Variants in PALM2AKAP2 observed in about 807,000 individuals in gnomAD.
The protein encoded by PALM2AKAP2 is PALM2 and AKAP2 fusion.
A neutral mutation model predicts 71.5 loss-of-function variants in PALM2AKAP2; 37 were observed. That is an observed-to-expected ratio of 0.52 (90% CI 0.40 to 0.68). The LOEUF (loss-of-function observed/expected upper bound fraction) is 0.68. PALM2AKAP2 is among the 30% of genes least tolerant of loss of function. The pLI, the probability that PALM2AKAP2 is intolerant of heterozygous loss-of-function variation, is 0.00. For missense variants in PALM2AKAP2, 1,224 were observed against 1,191.8 expected, an observed-to-expected ratio of 1.03 and a Z score of -0.40; for synonymous variants, 468 against 478.8, an observed-to-expected ratio of 0.98 and a Z score of 0.29.
intron 1 of PALM2AKAP2, among the ~76,000 whole-genome samples, chr9:109,837,441 C>T (rs1010152916): frequency 6.6e-6 from 1 of 152,146 alleles, no homozygotes; most frequent in African/African-American, 2.4e-5. Flanking sequence ...ATTGTAAAGA[C>T]CATCGAGGCT....
intron 1 of PALM2AKAP2, among the ~76,000 whole-genome samples, chr9:109,648,617 GT>G: frequency 6.6e-6 from 1 of 152,308 alleles, no homozygotes; most frequent in East Asian, 1.9e-4. Flanking sequence ...GACTTGGTAA[GT>G]TTGGATAGAG....
intron 3 of PALM2AKAP2, among the ~76,000 whole-genome samples, chr9:110,167,043 A>C (rs1836753054): frequency 6.6e-6 from 1 of 152,240 alleles, no homozygotes; most frequent in African/African-American, 2.4e-5. Flanking sequence ...GGCAGCAGGC[A>C]AGACAGTGTG....
At chr9:110,159,611 T>G (rs1048373678) in intron 3 of PALM2AKAP2, among the ~76,000 whole-genome samples, 3 of 152,174 alleles carry the variant, frequency 2.0e-5, no homozygotes, top group Non-Finnish European at 4.4e-5. Flanking sequence ...GTGTGATATG[T>G]TAGACACAAT....
In PALM2AKAP2 at chr9:109,821,966, G is replaced by T. The variant is rs1042098473; in HGVS notation, c.45+41433G>T. ...TCATAAGTTAATGTTTTTCCTTTGA[G>T]ACCTGGATGCCCTTCTCTTATTCAT... On this transcript the variant is annotated intron_variant, in intron 1 of 9. Transcript: ENST00000302798. Among the ~76,000 whole-genome samples the T allele has an allele frequency of 2.0e-5, 3 of 152,212 alleles. No individual in the cohort carries two copies. The East Asian group carries it at 5.8e-4, about 29-fold the overall frequency.
chr9:109,954,108 A>G (rs1831700270), intron 6 of PALM2AKAP2, among the ~76,000 whole-genome samples: 1 of 152,060 alleles, frequency 6.6e-6, no homozygotes, highest in Non-Finnish European at 1.5e-5. Flanking sequence ...CTGTTGTTCT[A>G]TTTGACAGTT....
At chr9:110,019,238 CAAA>C (rs769230271) in intron 7 of PALM2AKAP2, among the ~76,000 whole-genome samples, 5 of 47,942 alleles carry the variant, frequency 1.0e-4, no homozygotes, top group Admixed American at 2.3e-4. Context: ...GACTCTGTCT[CAAA>C]AAAAAAAAAA....
At chr9:110,090,018 T>C (rs1834669257) in intron 1 of PALM2AKAP2, among the ~76,000 whole-genome samples, 1 of 152,222 alleles carries the variant, frequency 6.6e-6, no homozygotes, top group Non-Finnish European at 1.5e-5. Flanking sequence ...ATTTGTCAAA[T>C]CATAATTGAT....
At chr9:110,079,427 C>T (rs1483434015) in intron 1 of PALM2AKAP2, among the ~76,000 whole-genome samples, 1 of 151,984 alleles carries the variant, frequency 6.6e-6, no homozygotes, top group African/African-American at 2.4e-5. Context: ...ACTCAGGAGG[C>T]GGATGTTGCA....
intron 1 of PALM2AKAP2, among the ~76,000 whole-genome samples, chr9:109,842,461 G>A (rs1828722986): frequency 6.6e-6 from 1 of 152,180 alleles, no homozygotes; most frequent in African/African-American, 2.4e-5. Flanking sequence ...TTCTGGTGAG[G>A]CGGGTACGCA....
intron 1 of PALM2AKAP2, among the ~76,000 whole-genome samples, chr9:109,671,895 G>C (rs767035786): frequency 1.1e-4 from 17 of 152,078 alleles, no homozygotes; most frequent in Non-Finnish European, 1.6e-4. Context: ...TTGGCTCTCA[G>C]CTTGACTGTT....
At chr9:110,134,280 TAA>T (rs554794611) in intron 1 of PALM2AKAP2, among the ~76,000 whole-genome samples, 1 of 144,438 alleles carries the variant, frequency 6.9e-6, no homozygotes. Context: ...GCCTGTCTCT[TAA>T]AAAAAAAAAG....
At chr9:109,897,857 T>G (rs1236501516) in intron 3 of PALM2AKAP2, among the ~76,000 whole-genome samples, 2 of 152,220 alleles carry the variant, frequency 1.3e-5, no homozygotes, top group Non-Finnish European at 2.9e-5. Flanking sequence ...TCTCATATTG[T>G]TCATCTCCTC....
intron 3 of PALM2AKAP2, among the ~76,000 whole-genome samples, chr9:110,162,418 A>G (rs993178601): frequency 3.9e-5 from 6 of 152,218 alleles, no homozygotes; most frequent in African/African-American, 1.4e-4. Flanking sequence ...CGTTTGGACC[A>G]GAGGACACAA....
At chr9:109,696,328 T>C (rs903144919) in intron 1 of PALM2AKAP2, among the ~76,000 whole-genome samples, 1 of 152,224 alleles carries the variant, frequency 6.6e-6, no homozygotes, top group Non-Finnish European at 1.5e-5. Context: ...AAAATAGCTT[T>C]AAAACATATT....
intron 1 of PALM2AKAP2, among the ~76,000 whole-genome samples, chr9:109,698,199 C>T (rs1828000219): frequency 6.6e-6 from 1 of 152,000 alleles, no homozygotes; most frequent in Non-Finnish European, 1.5e-5. Context: ...ATACATCTCT[C>T]ACTGTCCATT....
At chr9:109,731,866 T>G (rs1164970978) in intron 1 of PALM2AKAP2, among the ~76,000 whole-genome samples, 2 of 152,136 alleles carry the variant, frequency 1.3e-5, no homozygotes, top group African/African-American at 4.8e-5. Context: ...GAGGGTAAGA[T>G]CTGTGTCTTG....
intron 7 of PALM2AKAP2, among the ~76,000 whole-genome samples, chr9:110,026,081 A>C (rs1017704403): frequency 4.0e-5 from 6 of 150,914 alleles, no homozygotes; most frequent in African/African-American, 1.5e-4. Flanking sequence ...TCACTCTTTT[A>C]TTTATTTCTT....
intron 1 of PALM2AKAP2, among the ~76,000 whole-genome samples, chr9:110,134,280 TAAA>T (rs554794611): frequency 6.9e-6 from 1 of 144,458 alleles, no homozygotes; most frequent in Non-Finnish European, 1.5e-5. Flanking sequence ...GCCTGTCTCT[TAAA>T]AAAAAAAAGG....
intron 1 of PALM2AKAP2, among the ~76,000 whole-genome samples, chr9:109,865,114 T>TTTTTTTTTG (rs1829415765): frequency 7.3e-6 from 1 of 136,472 alleles, no homozygotes; most frequent in Non-Finnish European, 1.6e-5. Flanking sequence ...TTTTTTTTTT[T>TTTTTTTTTG]TTGAGACAGA....
Sources: gnomAD v4.1 joint callset for allele counts (sites outside exome capture counted in the v4.1 genomes callset) on GRCh38, gnomAD v4.1.1 for gene constraint, MANE v1.5 for transcripts, NCBI Gene and HGNC (gene_info 2026-07-23, HGNC 2026-07-21) for gene names.